Variants in HECW2 observed in about 807,000 individuals in gnomAD.
The protein encoded by HECW2 is HECT, C2 and WW domain containing E3 ubiquitin protein ligase 2, also known as E3 ubiquitin-protein ligase HECW2.
In HECW2, 61 loss-of-function variants were observed where a neutral mutation model predicts 175.2. The ratio of observed to expected loss-of-function variants is 0.35; its 90% CI spans 0.28 to 0.43. The LOEUF (loss-of-function observed/expected upper bound fraction) is 0.43. Ranked by LOEUF, HECW2 falls within the 20% of genes least tolerant of loss-of-function variation. The pLI is 1.00. For missense variants in HECW2, 1,524 were observed against 2,000.5 expected, an observed-to-expected ratio of 0.76 and a Z score of 4.54; for synonymous variants, 671 against 731.0, an observed-to-expected ratio of 0.92 and a Z score of 1.32.
At chr2:196,252,752 G>T (rs1268715638) in intron 19 of HECW2, among the ~76,000 whole-genome samples, 1 of 152,158 alleles carries the variant, frequency 6.6e-6, no homozygotes, top group Admixed American at 6.5e-5. Flanking sequence ...CACAAGAATG[G>T]CCTAACACAT....
intron 28 of HECW2, among the ~76,000 whole-genome samples, chr2:196,210,091 C>CATTGT (rs1345456504): frequency 6.6e-6 from 1 of 152,154 alleles, no homozygotes; most frequent in Non-Finnish European, 1.5e-5. Flanking sequence ...AGGAAAGTGA[C>CATTGT]ATTGTATTTC....
intron 1 of HECW2, among the ~76,000 whole-genome samples, chr2:196,510,069 C>T (rs936300125): frequency 1.3e-5 from 2 of 152,188 alleles, no homozygotes; most frequent in African/African-American, 4.8e-5. Context: ...TGAGACTCCA[C>T]CATTGTACTG....
intron 1 of HECW2, among the ~76,000 whole-genome samples, chr2:196,462,685 T>A (rs1696793837): frequency 6.7e-6 from 1 of 149,194 alleles, no homozygotes; most frequent in East Asian, 2.0e-4. Flanking sequence ...CACCCACCCC[T>A]CCCCCCGAAA....
intron 16 of HECW2, among the ~76,000 whole-genome samples, chr2:196,273,631 C>T (rs558667068): frequency 2.6e-5 from 4 of 152,158 alleles, no homozygotes; most frequent in Non-Finnish European, 5.9e-5. Context: ...TGTGAGGCTG[C>T]TACAGATTCA....
Position 196,285,645 on chromosome 2 carries a change from C to A in HECW2, c.3000+6920G>T, listed in dbSNP as rs115889193. ...CTGGCTCCTTCCCCCAAGATTCCCC[C>A]AGTTATAAGGAATAAACATGCTATT... On this transcript the variant is annotated intron_variant, in intron 14 of 28. Transcript: ENST00000644978. 1.7e-3 allele frequency among the ~76,000 whole-genome samples: 254 copies of A among 152,238 alleles called. 1 individual carries two copies. Among genetic ancestry groups the A allele is most frequent in the African/African-American group, 5.8e-3 (239 of 41,536 alleles).
chr2:196,499,752 T>C (rs1687515932), intron 1 of HECW2, among the ~76,000 whole-genome samples: 2 of 152,216 alleles, frequency 1.3e-5, no homozygotes, highest in Non-Finnish European at 2.9e-5. Flanking sequence ...AAAAATTAGT[T>C]CAGAAAGTAC....
chr2:196,456,911 C>T (rs1455032991), intron 1 of HECW2, among the ~76,000 whole-genome samples: 1 of 152,162 alleles, frequency 6.6e-6, no homozygotes, highest in African/African-American at 2.4e-5. Context: ...AATACACCAA[C>T]ACATCTAACA....
At chr2:196,418,257 T>C (rs1036537677) in intron 2 of HECW2, among the ~76,000 whole-genome samples, 17 of 151,922 alleles carry the variant, frequency 1.1e-4, no homozygotes, top group Non-Finnish European at 7.4e-5. Flanking sequence ...GCCTCCCGAG[T>C]AGCTGGGACT....
intron 19 of HECW2, among the ~76,000 whole-genome samples, chr2:196,248,245 G>A (rs918225840): frequency 2.0e-5 from 3 of 152,162 alleles, no homozygotes; most frequent in Non-Finnish European, 2.9e-5. Context: ...GATCTTGGCA[G>A]GGAAGTGATT....
rs1274229263 is a variant in HECW2, at chr2:196,200,453, T to C, written c.*824A>G. On this transcript the variant is annotated 3_prime_UTR_variant, in exon 29 of 29. Coordinates refer to ENST00000644978, the MANE Select transcript of HECW2 (RefSeq NM_001348768.2). ...GGAATGAGTGATACATACAGCATGA[T>C]AGGTAGGTTCTTATATACATCTTAA... The C allele has an allele frequency of 6.6e-6, 1 of 152,648 alleles. No individual in the cohort carries two copies. Among genetic ancestry groups the C allele is most frequent in the Non-Finnish European group, 1.5e-5 (1 of 68,032 alleles). The allele number at this position is 152,648 out of a possible 1,614,324, so 9.5% of individuals were successfully genotyped here. A position where few individuals can be genotyped will look rare whatever the true frequency, so the allele number is the denominator to read the frequency against.
intron 2 of HECW2, among the ~76,000 whole-genome samples, chr2:196,411,865 G>T (rs2125228588): frequency 6.6e-6 from 1 of 152,274 alleles, no homozygotes; most frequent in Admixed American, 6.5e-5. Context: ...ACAAAAACTA[G>T]CTGGTGTAGT....
At chr2:196,593,102 G>C (rs1691269579) in intron 1 of HECW2, among the ~76,000 whole-genome samples, 1 of 151,082 alleles carries the variant, frequency 6.6e-6, no homozygotes, top group Non-Finnish European at 1.5e-5. Context: ...GCTGGGTCTC[G>C]GCTCGCCTTT....
Position 196,521,282 on chromosome 2 carries a change from CAAAAAAAAA to C in HECW2, c.-36+72217_-36+72225del, listed in dbSNP as rs1158051512. Among the ~76,000 whole-genome samples, 15 of 53,692 alleles carry C rather than the reference CAAAAAAAAA, an allele frequency of 2.8e-4. No homozygotes were observed. The East Asian group carries it at 3.0e-3, about 11-fold the overall frequency. 35.2% of individuals were successfully genotyped at this position (53,692 alleles called of 152,430 possible). ...CATCCTCACTAGGAAACGTGAGTAA[CAAAAAAAAA>C]AAAAAAAAAAAAAAAAGAAAGAAAA... On this transcript the variant is annotated intron_variant, in intron 1 of 28. Coordinates refer to ENST00000644978, the MANE Select transcript of HECW2 (RefSeq NM_001348768.2).
chr2:196,401,442 A>G (rs1316099491), intron 2 of HECW2, among the ~76,000 whole-genome samples: 1 of 152,228 alleles, frequency 6.6e-6, no homozygotes, highest in Non-Finnish European at 1.5e-5. Context: ...ATAATCCACC[A>G]TTAACACTTC....
chr2:196,489,510 C>A (rs182029484), intron 1 of HECW2, among the ~76,000 whole-genome samples: 1 of 152,236 alleles, frequency 6.6e-6, no homozygotes, highest in East Asian at 1.9e-4. Flanking sequence ...GAAAGTCCCA[C>A]AGGGTTAACA....
At chr2:196,556,697 G>A (rs774873963) in intron 1 of HECW2, among the ~76,000 whole-genome samples, 4 of 152,184 alleles carry the variant, frequency 2.6e-5, no homozygotes, top group African/African-American at 4.8e-5. Context: ...TGGGATTAAA[G>A]TACGTGGATG....
At chr2:196,277,470 G>A (rs1690000792) in intron 15 of HECW2, among the ~76,000 whole-genome samples, 1 of 152,128 alleles carries the variant, frequency 6.6e-6, no homozygotes, top group African/African-American at 2.4e-5. Context: ...AAAAAGTCAG[G>A]AGACAATAGG....
At chr2:196,403,866 C>T (rs1694886846) in intron 2 of HECW2, among the ~76,000 whole-genome samples, 1 of 152,194 alleles carries the variant, frequency 6.6e-6, no homozygotes, top group African/African-American at 2.4e-5. Context: ...CCAGACACTT[C>T]TTCAAGTATT....
At chr2:196,274,503 G>A (rs1689866354) in intron 15 of HECW2, among the ~76,000 whole-genome samples, 1 of 152,238 alleles carries the variant, frequency 6.6e-6, no homozygotes, top group Admixed American at 6.5e-5. Context: ...GGAAGACTGA[G>A]TGGTATAAAT....
Sources: gnomAD v4.1 joint callset for allele counts (sites outside exome capture counted in the v4.1 genomes callset) on GRCh38, gnomAD v4.1.1 for gene constraint, MANE v1.5 for transcripts, NCBI Gene and HGNC (gene_info 2026-07-23, HGNC 2026-07-21) for gene names.